The following SLC47A1 variants were observed in gnomAD, a reference collection of about 807,000 sequenced individuals.
SLC47A1 encodes the protein solute carrier family 47 member 1, also known as multidrug and toxin extrusion protein 1.
In SLC47A1, 58 loss-of-function variants were observed where a neutral mutation model predicts 65.8. The ratio of observed to expected loss-of-function variants is 0.88; its 90% CI spans 0.71 to 1.10. The LOEUF (loss-of-function observed/expected upper bound fraction) is 1.10. Ranked by LOEUF, SLC47A1 falls within the 50% of genes least tolerant of loss-of-function variation. The probability of loss-of-function intolerance (pLI) is 0.00; values close to 1 mark genes in which losing one functional copy is unlikely to be tolerated. For synonymous variants in SLC47A1, 285 were observed against 295.0 expected, an observed-to-expected ratio of 0.97 and a Z score of 0.35; for missense variants, 706 against 719.2, an observed-to-expected ratio of 0.98 and a Z score of 0.21.
intron 5 of SLC47A1, among the ~76,000 whole-genome samples, chr17:19,550,516 A>G (rs1916417543): frequency 1.3e-5 from 2 of 152,000 alleles, no homozygotes; most frequent in Non-Finnish European, 2.9e-5. Flanking sequence ...GCATTTTACC[A>G]TGTTTCCCAG....
In SLC47A1 at chr17:19,577,413, G is replaced by C; in HGVS notation, c.1573G>C (p.Glu525Gln). Residue 525 changes from glutamate to glutamine, a missense_variant, in exon 17 of 17, where the codon GAA becomes CAA. Physicochemically the swap from Glu to Gln is conservative, Grantham distance 29. Coordinates refer to ENST00000270570, the MANE Select transcript of SLC47A1 (RefSeq NM_018242.3). ...PQSDQQMRQE[E>Q]PLPEHPQDGA... ...GTCAGATCAGCAGATGCGCCAAGAA[G>C]AACCTTTGCCGGAACATCCACAGGA... The C allele has an allele frequency of 6.2e-7, 1 of 1,614,198 alleles. No individual in the cohort carries two copies. The highest frequency in any genetic ancestry group is 1.3e-5 in the African/African-American group (1 of 75,050).
At chr17:19,559,396 C>T (rs2084289528) in intron 10 of SLC47A1, among the ~76,000 whole-genome samples, 1 of 152,186 alleles carries the variant, frequency 6.6e-6, no homozygotes, top group South Asian at 2.1e-4. Flanking sequence ...GAGGCGCATG[C>T]CTGTGATCCC....
chr17:19,549,549 T>G, intron 4 of SLC47A1, 86 bp from the exon 5 acceptor site: 1 of 1,368,918 alleles, frequency 7.3e-7, no homozygotes, highest in Non-Finnish European at 1.0e-6. Context: ...GAAAAGGCAG[T>G]TTTAGTTATT....
chr17:19,536,493 GA>G (rs1915992699), intron 1 of SLC47A1, among the ~76,000 whole-genome samples: 1 of 152,042 alleles, frequency 6.6e-6, no homozygotes, highest in East Asian at 1.9e-4. Flanking sequence ...CCAACAATAG[GA>G]AAAAACCCTC....
chr17:19,546,357 C>T (rs776035389), intron 2 of SLC47A1, 78 bp from the exon 3 acceptor site: 17 of 1,429,384 alleles, frequency 1.2e-5, no homozygotes, highest in Admixed American at 1.8e-5. Flanking sequence ...TTTGCAGGCT[C>T]TTATCAATAC....
intron 1 of SLC47A1, among the ~76,000 whole-genome samples, chr17:19,537,675 G>T (rs1916029086): frequency 6.6e-6 from 1 of 152,192 alleles, no homozygotes; most frequent in Non-Finnish European, 1.5e-5. Flanking sequence ...CCGCTCTCAT[G>T]CTCCAAATGG....
At chr17:19,550,544 G>A (rs1916418168) in intron 5 of SLC47A1, among the ~76,000 whole-genome samples, 1 of 152,112 alleles carries the variant, frequency 6.6e-6, no homozygotes, top group South Asian at 2.1e-4. Flanking sequence ...TCAAACTCCT[G>A]CGTTCAAGCA....
intron 1 of SLC47A1, among the ~76,000 whole-genome samples, chr17:19,536,880 C>T (rs569663185): frequency 6.6e-6 from 1 of 152,250 alleles, no homozygotes; most frequent in Non-Finnish European, 1.5e-5. Flanking sequence ...TGAGGTCTCA[C>T]TGGGCTTTAA....
chr17:19,545,126 G>C (rs1916251958), intron 2 of SLC47A1, among the ~76,000 whole-genome samples: 1 of 152,166 alleles, frequency 6.6e-6, no homozygotes, highest in African/African-American at 2.4e-5. Flanking sequence ...TGCTGATTCA[G>C]TTCCTCCTTG....
chr17:19,558,938 T>C (rs905050704), intron 10 of SLC47A1, among the ~76,000 whole-genome samples: 1 of 152,206 alleles, frequency 6.6e-6, no homozygotes, highest in Non-Finnish European at 1.5e-5. Flanking sequence ...TTCTTTAAGC[T>C]GGTCCATAGT....
At chr17:19,574,279 G>A (rs1426178348) in intron 16 of SLC47A1, among the ~76,000 whole-genome samples, 1 of 152,082 alleles carries the variant, frequency 6.6e-6, no homozygotes, top group Non-Finnish European at 1.5e-5. Flanking sequence ...CAAGTACAGA[G>A]AGGTTTGCCA....
chr17:19,557,790 G>A (rs1414457021), intron 10 of SLC47A1: 5 of 367,640 alleles, frequency 1.4e-5, no homozygotes, highest in East Asian at 1.2e-4. Flanking sequence ...TGGAGCTCAC[G>A]CTGGTTTCTC....
intron 14 of SLC47A1, chr17:19,567,893 T>A (rs1280123739): frequency 1.3e-5 from 2 of 152,204 alleles, no homozygotes; most frequent in African/African-American, 4.8e-5. Context: ...GTGGTCGGTG[T>A]GAACAGCACA....
At chr17:19,574,414 T>C (rs2084423478) in intron 16 of SLC47A1, among the ~76,000 whole-genome samples, 3 of 152,212 alleles carry the variant, frequency 2.0e-5, no homozygotes, top group Admixed American at 1.3e-4. Context: ...AACTCTCTGA[T>C]GTGAAGCAGC....
At position 19,537,666 on chromosome 17, in the gene SLC47A1, C is replaced by A. The variant is rs115438384; in HGVS notation, c.135+3592C>A. 6.5e-4 allele frequency among the ~76,000 whole-genome samples: 99 copies of A among 152,314 alleles called. 1 individual carries two copies. The highest frequency in any genetic ancestry group is 2.4e-3 in the African/African-American group (98 of 41,578). On this transcript the variant is annotated intron_variant, in intron 1 of 16. Transcript: ENST00000270570. The stretch of plus-strand genomic sequence containing the variant: ...AGAGGGATCCACTTTTTCGTATCTC[C>A]GCTCTCATGCTCCAAATGGAGCCAC...
At chr17:19,547,417 G>A (rs925057937) in intron 3 of SLC47A1, among the ~76,000 whole-genome samples, 2 of 146,594 alleles carry the variant, frequency 1.4e-5, no homozygotes, top group African/African-American at 5.1e-5. Context: ...GCACAATCTC[G>A]GCTCACTGCA....
Position 19,542,902 on chromosome 17 carries a change from C to T in SLC47A1, c.237+408C>T, listed in dbSNP as rs1916187596. On this transcript the variant is annotated intron_variant, in intron 2 of 16. Transcript: ENST00000270570. The stretch of plus-strand genomic sequence containing the variant: ...TGCCTCCCAGGTTCAAGCGATTCTC[C>T]TGCCTCAGACTCCTGAGTAGCTGGG... 2.0e-5 allele frequency among the ~76,000 whole-genome samples: 3 copies of T among 151,246 alleles called. No individual in the cohort carries two copies. In the South Asian group the frequency reaches 6.3e-4, roughly 32 times the overall value.
intron 1 of SLC47A1, among the ~76,000 whole-genome samples, chr17:19,538,862 A>G (rs902778318): frequency 9.9e-5 from 15 of 152,116 alleles, no homozygotes; most frequent in Non-Finnish European, 1.9e-4. Flanking sequence ...CTGACTGCCA[A>G]GTTTGCTTAT....
chr17:19,548,350 G>A (rs1338121211), intron 4 of SLC47A1, among the ~76,000 whole-genome samples: 1 of 152,108 alleles, frequency 6.6e-6, no homozygotes, highest in Non-Finnish European at 1.5e-5. Flanking sequence ...AGTTTTAAAT[G>A]AAAATAGATT....
Sources: allele counts gnomAD v4.1 joint callset (sites outside exome capture counted in the v4.1 genomes callset), GRCh38; gene constraint gnomAD v4.1.1; transcripts MANE v1.5; gene names NCBI Gene and HGNC (gene_info 2026-07-23, HGNC 2026-07-21).